The following RARS1 variants were observed in gnomAD, a reference collection of about 807,000 sequenced individuals.
RARS1 encodes the protein arginyl-tRNA synthetase 1.
In RARS1, 75 loss-of-function variants were observed where a neutral mutation model predicts 78.7. That is an observed-to-expected ratio of 0.95 (90% confidence interval 0.79 to 1.15). The LOEUF is 1.15. Among genes scored for constraint, RARS1 ranks in the 50% most tolerant of loss-of-function variants. RARS1 has a pLI of 0.00. For synonymous variants in RARS1, 273 were observed against 268.2 expected, an observed-to-expected ratio of 1.02 and a Z score of -0.18; for missense variants, 787 against 787.5, an observed-to-expected ratio of 1.00 and a Z score of 0.01.
Position 168,518,069 on chromosome 5 carries a change from GTCTTT to G in RARS1, c.1873+9_1873+13del. ...GAGAAAGATAGACAGACTGGTGAGTGTCTTTTTTTTTTTTTTTTTTTTTTTTAGTG... is the reference window on the plus strand; with the variant it reads ...GAGAAAGATAGACAGACTGGTGAGTGTTTTTTTTTTTTTTTTTTTTTAGTG... On this transcript the variant is annotated splice_region_variant and intron_variant, in intron 14 of 14. Coordinates refer to ENST00000231572, the MANE Select transcript of RARS1 (RefSeq NM_002887.4). 1.5e-6 allele frequency: 1 copy of G among 675,692 alleles called. No individual in the cohort carries two copies. The highest frequency in any genetic ancestry group is 3.3e-5 in the South Asian group (1 of 30,674). The allele number at this position is 675,692 out of a possible 1,614,324, so 41.9% of individuals were successfully genotyped here. A position where few individuals can be genotyped will look rare whatever the true frequency, so the allele number is the denominator to read the frequency against.
At chr5:168,501,650 G>A (rs538033075) in intron 8 of RARS1, among the ~76,000 whole-genome samples, 86 of 152,218 alleles carry the variant, frequency 5.6e-4, no homozygotes, top group Non-Finnish European at 5.9e-5. Context: ...TTGAACCCGG[G>A]AGGCGGAGGT....
chr5:168,492,582 C>G, intron 2 of RARS1, 77 bp from the exon 3 acceptor site: 1 of 1,264,020 alleles, frequency 7.9e-7, no homozygotes, highest in Non-Finnish European at 1.1e-6. Context: ...GAGGTTTATA[C>G]TCAAAATATT....
At chr5:168,486,687 A>G in intron 1 of RARS1, 144 bp downstream of exon 1, 1 of 865,620 alleles carries the variant, frequency 1.2e-6, no homozygotes, top group Non-Finnish European at 1.8e-6. Context: ...CTGTGGGAAC[A>G]GGAAGGGTTG....
chr5:168,510,254 T>C (rs1354539237), intron 11 of RARS1, among the ~76,000 whole-genome samples: 1 of 152,246 alleles, frequency 6.6e-6, no homozygotes. Flanking sequence ...ATATCTTCTT[T>C]CTCTGTTAGG....
intron 14 of RARS1, among the ~76,000 whole-genome samples, chr5:168,518,459 C>G (rs1360100956): frequency 1.3e-5 from 2 of 152,072 alleles, no homozygotes; most frequent in African/African-American, 4.8e-5. Context: ...GTCTACTTTT[C>G]TACAATTAGG....
chr5:168,511,939 C>T (rs943499262), intron 12 of RARS1, among the ~76,000 whole-genome samples: 4 of 152,166 alleles, frequency 2.6e-5, no homozygotes, highest in African/African-American at 9.7e-5. Context: ...GATCATGGCT[C>T]ACCGCATCTC....
intron 13 of RARS1, among the ~76,000 whole-genome samples, chr5:168,517,334 G>A (rs1582444236): frequency 6.6e-6 from 1 of 152,174 alleles, no homozygotes; most frequent in East Asian, 1.9e-4. Flanking sequence ...GTGGAGACGG[G>A]GTTTCACCAT....
chr5:168,516,882 C>T lies in RARS1; in HGVS notation c.1557C>T (p.Ser519=), dbSNP rs373263276. 55 of 1,614,150 alleles carry T rather than the reference C, an allele frequency of 3.4e-5. No homozygotes were observed. Among genetic ancestry groups the T allele is most frequent in the Middle Eastern group, 3.3e-4 (2 of 6,062 alleles). ...SHNRLNDYIF[S]FDKMLDDRGN... ...ACCGGTTGAATGACTACATCTTCTCCTTTGACAAAATGCTAGATGACAGAG... is the reference window on the plus strand; with the variant it reads ...ACCGGTTGAATGACTACATCTTCTCTTTTGACAAAATGCTAGATGACAGAG... Residue 519 remains serine, a synonymous_variant, in exon 13 of 15, where the codon TCC becomes TCT. Transcript: ENST00000231572.
intron 7 of RARS1, among the ~76,000 whole-genome samples, chr5:168,500,301 C>G (rs1257159752): frequency 6.6e-6 from 1 of 151,216 alleles, no homozygotes; most frequent in South Asian, 2.1e-4. Context: ...GTTAGCTATT[C>G]TGTACTAACC....
Position 168,486,525 on chromosome 5 carries a change from C to T in RARS1, c.27C>T (p.Ser9=), listed in dbSNP as rs779690036. 11 of 1,558,854 alleles carry T rather than the reference C, an allele frequency of 7.1e-6. No individual in the cohort carries two copies. The highest frequency in any genetic ancestry group is 8.7e-6 in the Non-Finnish European group (10 of 1,150,532). The stretch of plus-strand genomic sequence containing the variant: ...TGGACGTACTGGTGTCTGAGTGCTC[C>T]GCGCGGCTGCTGCAGCAGGTTTGGA... MDVLVSEC[S]ARLLQQEEEI... is the part of the protein sequence containing the mutation. The change falls in exon 1 of 15, where the codon TCC becomes TCT. Residue 9 remains serine (S), a synonymous_variant. Coordinates refer to ENST00000231572, the MANE Select transcript of RARS1 (RefSeq NM_002887.4).
In RARS1 at chr5:168,518,071, C is replaced by CTTTTTTTTTTTTTTT. The variant is rs747777615; in HGVS notation, c.1873+19_1873+33dup. 3,275 of 748,062 alleles carry CTTTTTTTTTTTTTTT rather than the reference C, an allele frequency of 4.4e-3. 453 individuals carry two copies. Among genetic ancestry groups the CTTTTTTTTTTTTTTT allele is most frequent in the East Asian group, 9.8e-3 (72 of 7,342 alleles). The allele number at this position is 748,062 out of a possible 1,614,324, so 46.3% of individuals were successfully genotyped here. The stretch of plus-strand genomic sequence containing the variant: ...GAAAGATAGACAGACTGGTGAGTGT[C>CTTTTTTTTTTTTTTT]TTTTTTTTTTTTTTTTTTTTTTTTA... On this transcript the variant is annotated intron_variant, in intron 14 of 14. Transcript: ENST00000231572.
chr5:168,506,134 G>T lies in RARS1; in HGVS notation c.1171G>T (p.Ala391Ser), dbSNP rs780567922. ...GYTYDTSDLA[A>S]IKQRLFEEKA... ...TACCTATGATACATCTGACCTGGCT[G>T]CTATTAAACAAAGACTATTTGAGGA... Residue 391 changes from alanine to serine, a missense_variant, in exon 10 of 15, where the codon GCT (alanine) becomes TCT (serine). Physicochemically the swap from Ala to Ser is moderately conservative, Grantham distance 99. Transcript: ENST00000231572. 6 of 1,599,136 alleles carry T rather than the reference G, an allele frequency of 3.8e-6. No individual in the cohort carries two copies. Among genetic ancestry groups the T allele is most frequent in the Non-Finnish European group, 5.1e-6 (6 of 1,172,552 alleles).
intron 2 of RARS1, among the ~76,000 whole-genome samples, chr5:168,489,270 C>T (rs2063237663): frequency 6.6e-6 from 1 of 152,048 alleles, no homozygotes; most frequent in Non-Finnish European, 1.5e-5. Flanking sequence ...CCCTCCCTGT[C>T]TTGGCCTCCC....
chr5:168,487,416 C>T (rs1023227502), intron 1 of RARS1, among the ~76,000 whole-genome samples: 1 of 151,972 alleles, frequency 6.6e-6, no homozygotes, highest in African/African-American at 2.4e-5. Flanking sequence ...CTTTTATGCC[C>T]AGGTGGGGAG....
chr5:168,502,378 A>AC (rs1758345585), intron 9 of RARS1, among the ~76,000 whole-genome samples: 1 of 89,144 alleles, frequency 1.1e-5, no homozygotes, highest in Admixed American at 1.0e-4. Flanking sequence ...ATATATATAT[A>AC]TATATATTTT....
At chr5:168,501,718 A>G (rs1582433991) in intron 8 of RARS1, among the ~76,000 whole-genome samples, 1 of 147,942 alleles carries the variant, frequency 6.8e-6, no homozygotes, top group Non-Finnish European at 1.5e-5. Context: ...GCGAGACTCC[A>G]TCTCAAAAAA....
chr5:168,498,820 A>G lies in RARS1; in HGVS notation c.822+1472A>G, dbSNP rs1355568951. 4.6e-5 allele frequency among the ~76,000 whole-genome samples: 7 copies of G among 152,238 alleles called. No homozygotes were observed. The South Asian group carries it at 1.0e-3, about 23-fold the overall frequency. On this transcript the variant is annotated intron_variant, in intron 7 of 14. Transcript: ENST00000231572. ...CATCTCCACAAAAAATACAAAAGTT[A>G]GCCAGGCATGTTGGTGTACATCTGT...
chr5:168,495,820 A>G (rs556582696), intron 6 of RARS1, among the ~76,000 whole-genome samples: 2 of 152,168 alleles, frequency 1.3e-5, no homozygotes, highest in South Asian at 2.1e-4. Context: ...CTGGGAAGCT[A>G]TTAGAGAGTT....
Position 168,517,803 on chromosome 5 carries a change from G to A in RARS1, c.1626-12G>A, listed in dbSNP as rs949817408. Reference sequence around the variant, plus strand: ...GTGGTGATTGCCTGATGATTTTTTTGTTTTTTTTAAGGTCTATTGCACGTC... The same window carrying A: ...GTGGTGATTGCCTGATGATTTTTTTATTTTTTTTAAGGTCTATTGCACGTC... On this transcript the variant is annotated splice_polypyrimidine_tract_variant and intron_variant, in intron 13 of 14. Coordinates refer to ENST00000231572, the MANE Select transcript of RARS1 (RefSeq NM_002887.4). 6.3e-7 allele frequency: 1 copy of A among 1,598,392 alleles called. No individual in the cohort carries two copies. Among genetic ancestry groups the A allele is most frequent in the Admixed American group, 1.8e-5 (1 of 56,800 alleles).
Sources: gnomAD v4.1 joint callset for allele counts (sites outside exome capture counted in the v4.1 genomes callset) on GRCh38, gnomAD v4.1.1 for gene constraint, MANE v1.5 for transcripts, NCBI Gene and HGNC (gene_info 2026-07-23, HGNC 2026-07-21) for gene names.